Variants in ANGPT4 observed in about 807,000 individuals in gnomAD.
ANGPT4 encodes the protein angiopoietin 4.
In ANGPT4, 50 loss-of-function variants were observed where a neutral mutation model predicts 53.0. The observed-to-expected ratio is 0.94, with a 90% CI of 0.75 to 1.20. The LOEUF is 1.20. ANGPT4 is among the 50% of genes most tolerant of loss of function. The pLI is 0.00. For synonymous variants in ANGPT4, 251 were observed against 259.7 expected (o/e 0.97, Z 0.32); for missense variants, 648 against 637.1 (o/e 1.02, Z -0.18).
intron 1 of ANGPT4, among the ~76,000 whole-genome samples, chr20:896,624 C>T (rs1414713680): frequency 1.3e-5 from 2 of 152,208 alleles, no homozygotes; most frequent in Non-Finnish European, 2.9e-5. Flanking sequence ...ATCTTGTCAA[C>T]TGCAGATAAA....
intron 8 of ANGPT4, among the ~76,000 whole-genome samples, 196 bp downstream of exon 8, chr20:874,088 C>T (rs749754339): frequency 5.9e-5 from 9 of 152,136 alleles, no homozygotes; most frequent in Non-Finnish European, 1.3e-4. Flanking sequence ...GAGGTGAGAC[C>T]TGGAGGGGAC....
intron 1 of ANGPT4, among the ~76,000 whole-genome samples, chr20:897,292 T>C (rs1982094702): frequency 6.6e-6 from 1 of 152,178 alleles, no homozygotes; most frequent in African/African-American, 2.4e-5. Context: ...GTCCTTGCCC[T>C]CATTCCATGA....
intron 1 of ANGPT4, among the ~76,000 whole-genome samples, chr20:913,607 A>G (rs1982795276): frequency 1.3e-5 from 2 of 152,204 alleles, no homozygotes; most frequent in Non-Finnish European, 2.9e-5. Context: ...CCATCAGTTC[A>G]AGCCATCAGC....
In ANGPT4 at chr20:916,123, C is replaced by T; in HGVS notation, c.92G>A (p.Arg31Lys). The T allele has an allele frequency of 6.2e-7, 1 of 1,614,212 alleles. No homozygotes were observed. The highest frequency in any genetic ancestry group is 8.5e-7 in the Non-Finnish European group (1 of 1,180,022). Reference sequence around the variant, plus strand: ...CTGGACTACAAGTGTCTCGCAGCCCCTATCCGCCTCCTGCCTTGTCTGTTG... The same window carrying T: ...CTGGACTACAAGTGTCTCGCAGCCCTTATCCGCCTCCTGCCTTGTCTGTTG... ...VAQQTRQEAD[R>K]GCETLVVQHG... is the part of the protein sequence containing the mutation. Residue 31 changes from arginine to lysine, a missense_variant, in exon 1 of 9, where the codon AGG becomes AAG. By Grantham distance (26) the Arg-to-Lys change is conservative. Transcript: ENST00000381922.
At chr20:894,038 C>T (rs1385106442) in intron 1 of ANGPT4, among the ~76,000 whole-genome samples, 1 of 151,948 alleles carries the variant, frequency 6.6e-6, no homozygotes, top group Non-Finnish European at 1.5e-5. Flanking sequence ...AACAGAGCTC[C>T]CATACAAAGG....
intron 1 of ANGPT4, among the ~76,000 whole-genome samples, chr20:904,611 T>C (rs1324706233): frequency 6.6e-6 from 1 of 152,182 alleles, no homozygotes; most frequent in Non-Finnish European, 1.5e-5. Flanking sequence ...CAAAGTAGAG[T>C]GAAATCACAC....
Position 872,595 on chromosome 20 carries a change from C to T in ANGPT4, c.*365G>A, listed in dbSNP as rs929695266. ...GAACCTGGGCCATCTGGGCAGCTTC[C>T]GATGTGCAAATACATTCCCACCTGC... On this transcript the variant is annotated 3_prime_UTR_variant, in exon 9 of 9. Coordinates refer to ENST00000381922, the MANE Select transcript of ANGPT4 (RefSeq NM_015985.4). 3.8e-5 allele frequency: 7 copies of T among 186,048 alleles called. No homozygotes were observed. The highest frequency in any genetic ancestry group is 4.7e-5 in the African/African-American group (2 of 42,552). The allele number at this position is 186,048 out of a possible 1,614,324, so 11.5% of individuals were successfully genotyped here. A position where few individuals can be genotyped will look rare whatever the true frequency, so the allele number is the denominator to read the frequency against.
At position 901,315 on chromosome 20, in the gene ANGPT4, C is replaced by A. The variant is rs539216963; in HGVS notation, c.310-10947G>T. Among the ~76,000 whole-genome samples, 253 of 152,274 alleles carry A rather than the reference C, an allele frequency of 1.7e-3. 2 individuals carry two copies. The highest frequency in any genetic ancestry group is 3.0e-3 in the Non-Finnish European group (202 of 68,042). ...ACAAAAGAAGTGAAAATGGCTGGTT[C>A]CTGCCTTAACTGATGACATTACCTT... On this transcript the variant is annotated intron_variant, in intron 1 of 8. Coordinates refer to ENST00000381922, the MANE Select transcript of ANGPT4 (RefSeq NM_015985.4).
intron 1 of ANGPT4, among the ~76,000 whole-genome samples, chr20:901,554 C>T (rs777528630): frequency 5.3e-5 from 8 of 152,314 alleles, no homozygotes; most frequent in Admixed American, 1.3e-4. Context: ...CTTTATTGCT[C>T]ACACAAAGCC....
intron 1 of ANGPT4, among the ~76,000 whole-genome samples, chr20:900,153 C>T (rs904072000): frequency 6.6e-6 from 1 of 152,170 alleles, no homozygotes; most frequent in Non-Finnish European, 1.5e-5. Context: ...AAGACATTTA[C>T]CTTGTATTTC....
intron 1 of ANGPT4, among the ~76,000 whole-genome samples, chr20:903,404 C>G (rs1982359521): frequency 6.6e-6 from 1 of 152,152 alleles, no homozygotes; most frequent in African/African-American, 2.4e-5. Context: ...CTTGCCACTT[C>G]CACCCCAGTC....
chr20:883,470 A>G (rs2122778988), intron 4 of ANGPT4, among the ~76,000 whole-genome samples: 1 of 152,340 alleles, frequency 6.6e-6, no homozygotes, highest in South Asian at 2.1e-4. Context: ...GCAGAGAGCT[A>G]GTGCTCCCTT....
rs140621916 is a variant in ANGPT4, at chr20:890,348, C to A, written c.330G>T (p.Thr110=). ...CCTGCTCCAGCTTCGACCTCAAGAT[C>A]GTCTTGATGGCCCTCTCTAGCTGTG... The part of the protein sequence containing the change: ...WLKKLERAIK[T]ILRSKLEQVQ... The change falls in exon 2 of 9, where the codon ACG becomes ACT. Residue 110 remains threonine, a synonymous_variant. Transcript: ENST00000381922. 1.2e-6 allele frequency: 2 copies of A among 1,604,910 alleles called. No individual in the cohort carries two copies. The highest frequency in any genetic ancestry group is 1.7e-6 in the Non-Finnish European group (2 of 1,175,944).
At position 872,918 on chromosome 20, in the gene ANGPT4, C is replaced by T. The variant is rs775833469; in HGVS notation, c.*42G>A. 5.6e-6 allele frequency: 9 copies of T among 1,609,172 alleles called. No individual in the cohort carries two copies. The highest frequency in any genetic ancestry group is 5.0e-5 in the Admixed American group (3 of 59,860). ...CCAGGTTGTCCAGGAGTGCCAAGTC[C>T]GAGCTTCTCCTGTGTGGTCCAGCCT... is the stretch of plus-strand genomic sequence containing the variant. On this transcript the variant is annotated 3_prime_UTR_variant, in exon 9 of 9. Transcript: ENST00000381922.
chr20:880,614 G>A (rs142431099), intron 5 of ANGPT4, among the ~76,000 whole-genome samples: 2 of 152,044 alleles, frequency 1.3e-5, no homozygotes, highest in African/African-American at 4.8e-5. Context: ...TTATGAAGTA[G>A]GAATCTGCTA....
chr20:893,730 C>T (rs113253971), intron 1 of ANGPT4, among the ~76,000 whole-genome samples: 111 of 152,324 alleles, frequency 7.3e-4, no homozygotes, highest in African/African-American at 2.6e-3. Flanking sequence ...CCACCCCATG[C>T]TTCGAAATCT....
intron 1 of ANGPT4, among the ~76,000 whole-genome samples, chr20:904,934 C>A (rs1441802786): frequency 6.6e-6 from 1 of 152,206 alleles, no homozygotes; most frequent in Admixed American, 6.5e-5. Context: ...AACAAACTGC[C>A]CTTGGCAGAG....
intron 7 of ANGPT4, among the ~76,000 whole-genome samples, chr20:875,933 C>A (rs1981148761): frequency 6.6e-6 from 1 of 152,026 alleles, no homozygotes; most frequent in Non-Finnish European, 1.5e-5. Context: ...AGTTCGAGAT[C>A]AGCCTGGGCA....
rs577552360 is a variant in ANGPT4 at position 883,019 on chromosome 20, T to G, written c.836-1733A>C. ...TTTGTACCAGTTTCCCTCGCTTTTG[T>G]GCATAGGCACTGTGCTGAACCCTTT... On this transcript the variant is annotated intron_variant, in intron 4 of 8. Transcript: ENST00000381922. Among the ~76,000 whole-genome samples the G allele has an allele frequency of 2.6e-5, 4 of 152,384 alleles. 1 individual carries two copies. Among genetic ancestry groups the G allele is most frequent in the African/African-American group, 9.6e-5 (4 of 41,596 alleles).
Sources: gnomAD v4.1 joint callset for allele counts (sites outside exome capture counted in the v4.1 genomes callset) on GRCh38, gnomAD v4.1.1 for gene constraint, MANE v1.5 for transcripts, NCBI Gene and HGNC (gene_info 2026-07-23, HGNC 2026-07-21) for gene names.